PLCB4: variants seen among roughly 807,000 people sequenced by gnomAD.
PLCB4 encodes the protein 1-phosphatidylinositol 4,5-bisphosphate phosphodiesterase beta-4.
In PLCB4, 77 loss-of-function variants were observed where a neutral mutation model predicts 178.8. That is an observed-to-expected ratio of 0.43 (90% CI 0.36 to 0.52). PLCB4 has a LOEUF of 0.52. PLCB4 is among the 20% of genes least tolerant of loss of function. The probability of loss-of-function intolerance (pLI) is 0.00; values close to 1 mark genes in which losing one functional copy is unlikely to be tolerated. For synonymous variants in PLCB4, 496 were observed against 490.8 expected, an observed-to-expected ratio of 1.01 and a Z score of -0.14; for missense variants, 1,024 against 1,453.4, an observed-to-expected ratio of 0.70 and a Z score of 4.80.
intron 2 of PLCB4, among the ~76,000 whole-genome samples, chr20:9,160,008 G>C (rs1379312742): frequency 6.6e-6 from 1 of 152,176 alleles, no homozygotes; most frequent in Non-Finnish European, 1.5e-5. Context: ...ACTACAGGAA[G>C]ACAAGCTGAA....
At chr20:9,106,863 A>G (rs2091384180) in intron 2 of PLCB4, among the ~76,000 whole-genome samples, 1 of 152,218 alleles carries the variant, frequency 6.6e-6, no homozygotes, top group African/African-American at 2.4e-5. Flanking sequence ...TTATCCTAAC[A>G]TCTTTGGTGA....
At chr20:9,146,585 G>A (rs771940960) in intron 2 of PLCB4, among the ~76,000 whole-genome samples, 9 of 152,152 alleles carry the variant, frequency 5.9e-5, no homozygotes, top group Non-Finnish European at 1.3e-4. Flanking sequence ...GGCACAAGGG[G>A]AACATTTTTA....
At chr20:9,298,576 T>C (rs1177645137) in intron 3 of PLCB4, among the ~76,000 whole-genome samples, 1 of 152,112 alleles carries the variant, frequency 6.6e-6, no homozygotes, top group Non-Finnish European at 1.5e-5. Flanking sequence ...ATCACAAATG[T>C]CATCTAATAC....
chr20:9,308,588 A>G (rs1159092149), intron 4 of PLCB4, among the ~76,000 whole-genome samples: 1 of 152,216 alleles, frequency 6.6e-6, no homozygotes, highest in African/African-American at 2.4e-5. Context: ...TTGAAAGTAA[A>G]ACATATTAAA....
intron 2 of PLCB4, among the ~76,000 whole-genome samples, chr20:9,102,353 A>C (rs1312564720): frequency 1.3e-5 from 2 of 152,238 alleles, no homozygotes; most frequent in Non-Finnish European, 2.9e-5. Flanking sequence ...ACAATTATAC[A>C]AAATCATCTT....
At chr20:9,226,997 G>A (rs1409192437) in intron 3 of PLCB4, among the ~76,000 whole-genome samples, 1 of 151,644 alleles carries the variant, frequency 6.6e-6, no homozygotes, top group East Asian at 1.9e-4. Context: ...TTTTAAATTA[G>A]AGCTTTCTTA....
At chr20:9,303,823 A>G (rs1004646952) in intron 3 of PLCB4, among the ~76,000 whole-genome samples, 7 of 152,168 alleles carry the variant, frequency 4.6e-5, no homozygotes, top group Non-Finnish European at 1.0e-4. Flanking sequence ...AATGTATTTT[A>G]ACTTTGAAAG....
At chr20:9,082,759 A>G (rs2090215253) in intron 1 of PLCB4, among the ~76,000 whole-genome samples, 1 of 152,066 alleles carries the variant, frequency 6.6e-6, no homozygotes, top group Non-Finnish European at 1.5e-5. Context: ...TCCATTTTTC[A>G]TTTCCTTTGA....
At chr20:9,240,185 C>T (rs188364290) in intron 3 of PLCB4, among the ~76,000 whole-genome samples, 43 of 152,192 alleles carry the variant, frequency 2.8e-4, no homozygotes, top group African/African-American at 9.6e-4. Flanking sequence ...CTCAGCAAGG[C>T]CTATTTGTTC....
chr20:9,172,345 T>C (rs1041838563), intron 2 of PLCB4, among the ~76,000 whole-genome samples: 2 of 152,180 alleles, frequency 1.3e-5, no homozygotes, highest in Non-Finnish European at 2.9e-5. Flanking sequence ...ATCTTACTCA[T>C]TTTCTACATA....
chr20:9,320,434 GT>G (rs2094947291), intron 4 of PLCB4, among the ~76,000 whole-genome samples: 1 of 152,156 alleles, frequency 6.6e-6, no homozygotes, highest in African/African-American at 2.4e-5. Context: ...GGCTTCCTTA[GT>G]GCATCCTGTT....
chr20:9,141,097 G>T (rs554982691), intron 2 of PLCB4, among the ~76,000 whole-genome samples: 3 of 152,244 alleles, frequency 2.0e-5, no homozygotes, highest in African/African-American at 7.2e-5. Context: ...GCCCAGAGAT[G>T]GTCCATAAGT....
intron 2 of PLCB4, among the ~76,000 whole-genome samples, chr20:9,205,648 C>T (rs1172727788): frequency 6.6e-6 from 1 of 152,178 alleles, no homozygotes; most frequent in Non-Finnish European, 1.5e-5. Flanking sequence ...TTTACATGCA[C>T]TCATTTGTGT....
chr20:9,257,318 T>C (rs1253786980), intron 3 of PLCB4, among the ~76,000 whole-genome samples: 2 of 152,196 alleles, frequency 1.3e-5, no homozygotes, highest in East Asian at 1.9e-4. Flanking sequence ...CAAGTGAGAA[T>C]AGTGTGAAAA....
chr20:9,398,297 G>A (rs2148451374), intron 19 of PLCB4, among the ~76,000 whole-genome samples: 2 of 152,318 alleles, frequency 1.3e-5, no homozygotes, highest in East Asian at 3.9e-4. Context: ...ACAGAGGAGG[G>A]CAGATGATAC....
intron 3 of PLCB4, among the ~76,000 whole-genome samples, chr20:9,249,390 C>T (rs2094156878): frequency 6.6e-6 from 1 of 152,172 alleles, no homozygotes. Context: ...TCACTGTGGC[C>T]TCTAACTCCT....
intron 26 of PLCB4, among the ~76,000 whole-genome samples, chr20:9,420,745 G>A (rs181704875): frequency 5.3e-5 from 8 of 152,180 alleles, no homozygotes; most frequent in South Asian, 4.1e-4. Flanking sequence ...AGTGGCTATA[G>A]TCATTTAAAC....
chr20:9,466,279 T>C (rs1054845448), intron 35 of PLCB4, among the ~76,000 whole-genome samples: 4 of 152,170 alleles, frequency 2.6e-5, no homozygotes, highest in African/African-American at 4.8e-5. Flanking sequence ...TATACAAAAA[T>C]TAATTCAAGA....
rs2044736650 is a variant in PLCB4, at chr20:9,478,970, G to C, written c.3582G>C (p.Gln1194His). The C allele has an allele frequency of 6.2e-7, 1 of 1,613,542 alleles. No individual in the cohort carries two copies. The highest frequency in any genetic ancestry group is 1.3e-5 in the African/African-American group (1 of 74,894). ...AAATTGGAAGCCGAGATGGACCGCAGACCAGCAACAGTAGTATGAAACTCC... is the reference window on the plus strand; with the variant it reads ...AAATTGGAAGCCGAGATGGACCGCACACCAGCAACAGTAGTATGAAACTCC... ...DGEIGSRDGP[Q>H]TSNSSMKLQN... The change falls in exon 40 of 40, where the codon CAG becomes CAC. Residue 1194 changes from glutamine to histidine, a missense_variant. Gln to His is a conservative substitution (Grantham distance 24, BLOSUM62 0). Transcript: ENST00000378473.
Sources: gnomAD v4.1 joint callset for allele counts (sites outside exome capture counted in the v4.1 genomes callset) on GRCh38, gnomAD v4.1.1 for gene constraint, MANE v1.5 for transcripts, NCBI Gene and HGNC (gene_info 2026-07-23, HGNC 2026-07-21) for gene names.